The following CRYBB2 variants were observed in gnomAD, a reference collection of about 807,000 sequenced individuals.
The protein encoded by CRYBB2 is crystallin beta B2.
CRYBB2 carries 12 observed loss-of-function variants against 24.3 expected under a neutral mutation model. The ratio of observed to expected loss-of-function variants is 0.49; its 90% confidence interval spans 0.32 to 0.80. The LOEUF (loss-of-function observed/expected upper bound fraction) is 0.80. CRYBB2 is among the 30% of genes least tolerant of loss of function. The pLI is 0.04. For synonymous variants in CRYBB2, 98 were observed against 101.6 expected, an observed-to-expected ratio of 0.96 and a Z score of 0.21; for missense variants, 198 against 268.5, an observed-to-expected ratio of 0.74 and a Z score of 1.83.
intron 3 of CRYBB2, 46 bp from the exon 4 acceptor site, chr22:25,227,807 T>A: frequency 6.2e-7 from 1 of 1,613,470 alleles, no homozygotes; most frequent in Non-Finnish European, 8.5e-7. Flanking sequence ...CATAGGAAGC[T>A]TGGAGTGGAA....
chr22:25,230,364 G>A (rs1324113997), intron 5 of CRYBB2, among the ~76,000 whole-genome samples: 1 of 151,372 alleles, frequency 6.6e-6, no homozygotes, highest in East Asian at 1.9e-4. Flanking sequence ...CACTGTGTTG[G>A]CCAGGTTAGT....
chr22:25,214,640 T>C (rs1025940240), upstream of CRYBB2, among the ~76,000 whole-genome samples: 5 of 152,242 alleles, frequency 3.3e-5, no homozygotes, highest in African/African-American at 1.2e-4. Context: ...CTTTCTATAA[T>C]ATTTGTAAGA....
chr22:25,230,831 A>G lies in CRYBB2; in HGVS notation c.450-773A>G, dbSNP rs1304302921. ...AGGGGCAACTGTAAATACTTTAAGAATTCACATGAATCTAAGCTACTTCCT... is the reference window on the plus strand; with the variant it reads ...AGGGGCAACTGTAAATACTTTAAGAGTTCACATGAATCTAAGCTACTTCCT... On this transcript the variant is annotated intron_variant, in intron 5 of 5. Transcript: ENST00000398215. 2.6e-5 allele frequency among the ~76,000 whole-genome samples: 4 copies of G among 151,018 alleles called. No homozygotes were observed. The East Asian group carries it at 5.8e-4, about 22-fold the overall frequency.
In CRYBB2 at chr22:25,227,921, G is replaced by A. The variant is rs146763276; in HGVS notation, c.242G>A (p.Arg81His). 2.3e-5 allele frequency: 37 copies of A among 1,614,118 alleles called. No individual in the cohort carries two copies. Among genetic ancestry groups the A allele is most frequent in the African/African-American group, 2.3e-4 (17 of 75,028 alleles). ...GTGTTTGAGAAGGGTGAGTACCCCC[G>A]CTGGGACTCATGGACCAGCAGCCGA... Reference protein sequence around the residue: ...QFVFEKGEYPRWDSWTSSRRT... With the variant: ...QFVFEKGEYPHWDSWTSSRRT... The change falls in exon 4 of 6, where the codon CGC becomes CAC. Residue 81 changes from arginine (R) to histidine (H), a missense_variant. Coordinates refer to ENST00000398215, the MANE Select transcript of CRYBB2 (RefSeq NM_000496.3).
intron 1 of CRYBB2, among the ~76,000 whole-genome samples, chr22:25,213,005 A>C (rs1180375216): frequency 1.3e-5 from 2 of 152,362 alleles, no homozygotes; most frequent in African/African-American, 4.8e-5. Flanking sequence ...GCTTTCTTAC[A>C]TCATCTGTTT....
At chr22:25,218,834 GAAAGA>G (rs1935269569), upstream of CRYBB2, among the ~76,000 whole-genome samples, 1 of 110,696 alleles carries the variant, frequency 9.0e-6, no homozygotes, top group African/African-American at 4.2e-5. Context: ...AAGAAAGAAA[GAAAGA>G]GAAAGAAAGA....
intron 1 of CRYBB2, among the ~76,000 whole-genome samples, chr22:25,219,889 A>G (rs1935289637): frequency 5.9e-5 from 9 of 152,140 alleles, no homozygotes; most frequent in Admixed American, 5.9e-4. Context: ...CCTGGCACAC[A>G]GTGGGCATTG....
chr22:25,212,718 C>T (rs531966779), exon 1 of CRYBB2: 1 of 152,342 alleles, frequency 6.6e-6, no homozygotes. Flanking sequence ...TGGAAACTCT[C>T]TCCTGTGCCT....
chr22:25,225,514 T>C (rs1330308930), intron 3 of CRYBB2, among the ~76,000 whole-genome samples: 2 of 149,708 alleles, frequency 1.3e-5, no homozygotes, highest in African/African-American at 2.5e-5. Context: ...ATGCTGGGTC[T>C]TTACAGATTT....
At chr22:25,226,235 A>G (rs2146091048) in intron 3 of CRYBB2, among the ~76,000 whole-genome samples, 1 of 151,898 alleles carries the variant, frequency 6.6e-6, no homozygotes, top group South Asian at 2.1e-4. Context: ...GGATCATACT[A>G]AACATAATGT....
At chr22:25,227,301 TA>T (rs975745571) in intron 3 of CRYBB2, among the ~76,000 whole-genome samples, 1 of 152,056 alleles carries the variant, frequency 6.6e-6, no homozygotes, top group Non-Finnish European at 1.5e-5. Context: ...GGGCAGAGTC[TA>T]ACAACAGGAA....
At chr22:25,215,630 A>C (rs756243677), upstream of CRYBB2, among the ~76,000 whole-genome samples, 11 of 152,160 alleles carry the variant, frequency 7.2e-5, no homozygotes, top group Non-Finnish European at 1.5e-4. Flanking sequence ...TTATGGGGAA[A>C]TTGAGGCCTG....
At position 25,231,762 on chromosome 22, in the gene CRYBB2, C is replaced by A. The variant is rs1039686781; in HGVS notation, c.608C>A (p.Pro203His). 4.3e-6 allele frequency: 7 copies of A among 1,613,968 alleles called. No homozygotes were observed. The highest frequency in any genetic ancestry group is 2.7e-5 in the African/African-American group (2 of 74,910). The change falls in exon 6 of 6, where the codon CCC becomes CAC. Residue 203 changes from proline (P) to histidine (H), a missense_variant. Transcript: ENST00000398215. The part of the protein sequence containing the change: ...MQWHQRGAFH[P>H]SN ...TGGCACCAACGTGGTGCCTTCCACC[C>A]CTCCAACTAGTGCCCTCCCCACCAT...
chr22:25,229,073 G>A (rs8135945), intron 4 of CRYBB2, among the ~76,000 whole-genome samples: 6,923 of 150,240 alleles, frequency 0.046, 543 homozygotes, highest in African/African-American at 0.16. Context: ...GCATGTGTGC[G>A]TGTGCACACA....
chr22:25,218,215 T>C (rs6004489), upstream of CRYBB2, among the ~76,000 whole-genome samples: 13,951 of 148,760 alleles, frequency 0.094, 734 homozygotes, highest in South Asian at 0.18. Flanking sequence ...GCTGAGATCG[T>C]GCCACTGCAC....
At chr22:25,225,571 C>A (rs1935398373) in intron 3 of CRYBB2, among the ~76,000 whole-genome samples, 1 of 152,162 alleles carries the variant, frequency 6.6e-6, no homozygotes, top group African/African-American at 2.4e-5. Flanking sequence ...AGAAGGGGAG[C>A]TGAATGGTTG....
At chr22:25,228,054 G>A in intron 4 of CRYBB2, 69 bp downstream of exon 4, 1 of 1,608,872 alleles carries the variant, frequency 6.2e-7, no homozygotes, top group African/African-American at 1.3e-5. Flanking sequence ...CTGCCACCTT[G>A]GAGCTGGAGG....
upstream of CRYBB2, among the ~76,000 whole-genome samples, chr22:25,218,755 G>GAA (rs1569016033): frequency 0.011 from 419 of 37,786 alleles, 32 homozygotes; most frequent in East Asian, 0.036. Flanking sequence ...GAGAGAGAGA[G>GAA]AGAGAGAGAG....
At chr22:25,227,174 G>A (rs1466755857) in intron 3 of CRYBB2, among the ~76,000 whole-genome samples, 2 of 152,170 alleles carry the variant, frequency 1.3e-5, no homozygotes, top group Non-Finnish European at 2.9e-5. Flanking sequence ...TTTGAGATTT[G>A]TGCCTTCTTC....
Sources: gnomAD v4.1 joint callset for allele counts (sites outside exome capture counted in the v4.1 genomes callset) on GRCh38, gnomAD v4.1.1 for gene constraint, MANE v1.5 for transcripts, NCBI Gene and HGNC (gene_info 2026-07-23, HGNC 2026-07-21) for gene names.